Variants in PRKAG2 observed in about 807,000 individuals in gnomAD.
The protein encoded by PRKAG2 is 5'-AMP-activated protein kinase subunit gamma-2.
PRKAG2 carries 26 observed loss-of-function variants against 69.6 expected under a neutral mutation model. The observed-to-expected ratio is 0.37, with a 90% confidence interval of 0.27 to 0.52. The LOEUF is 0.52. Among genes scored for constraint, PRKAG2 ranks in the 20% least tolerant of loss-of-function variants. The pLI, the probability that PRKAG2 is intolerant of heterozygous loss-of-function variation, is 0.90. For missense variants in PRKAG2, 557 were observed against 740.0 expected (o/e 0.75, Z 2.87); for synonymous variants, 293 against 285.0 (o/e 1.03, Z -0.28).
intron 5 of PRKAG2, 136 bp downstream of exon 5, chr7:151,631,933 C>T: frequency 3.2e-6 from 3 of 930,516 alleles, no homozygotes; most frequent in Non-Finnish European, 4.2e-6. Flanking sequence ...GTTCCCGCCC[C>T]GGCCCCTGGG....
intron 1 of PRKAG2, chr7:151,837,154 C>T (rs1586695167): frequency 6.6e-6 from 1 of 152,324 alleles, no homozygotes; most frequent in East Asian, 1.9e-4. Context: ...AGTGTGACCT[C>T]CTGCCACTGC....
At chr7:151,605,082 T>C (rs778230909) in intron 5 of PRKAG2, among the ~76,000 whole-genome samples, 1 of 152,120 alleles carries the variant, frequency 6.6e-6, no homozygotes, top group Non-Finnish European at 1.5e-5. Context: ...AGTGGCACAA[T>C]CTCAACTCAT....
chr7:151,795,412 G>T (rs921769927), intron 1 of PRKAG2, among the ~76,000 whole-genome samples: 1 of 152,050 alleles, frequency 6.6e-6, no homozygotes. Flanking sequence ...GAGTAGCTGC[G>T]GTCTTCACAG....
chr7:151,590,993 G>A (rs1255522574), intron 6 of PRKAG2, among the ~76,000 whole-genome samples: 1 of 152,196 alleles, frequency 6.6e-6, no homozygotes, highest in Non-Finnish European at 1.5e-5. Flanking sequence ...GTGGCACAGT[G>A]AACTATACAG....
chr7:151,558,970 C>T, intron 15 of PRKAG2: 2 of 985,424 alleles, frequency 2.0e-6, no homozygotes, highest in East Asian at 1.1e-4. Context: ...CAAGAGCTGA[C>T]ATTCAGCCTG....
At chr7:151,801,024 A>T (rs911864411) in intron 1 of PRKAG2, among the ~76,000 whole-genome samples, 3 of 152,144 alleles carry the variant, frequency 2.0e-5, no homozygotes, top group Non-Finnish European at 4.4e-5. Context: ...AATCCACTAA[A>T]TTTTTAAAAA....
chr7:151,671,199 G>A (rs1474207656), intron 4 of PRKAG2, among the ~76,000 whole-genome samples: 29 of 128,504 alleles, frequency 2.3e-4, no homozygotes, highest in Admixed American at 1.0e-3. Flanking sequence ...AAAAAAAAAA[G>A]GAGTGCTGTC....
chr7:151,581,002 C>G (rs74882587), intron 6 of PRKAG2, among the ~76,000 whole-genome samples: 1 of 152,056 alleles, frequency 6.6e-6, no homozygotes, highest in Non-Finnish European at 1.5e-5. Flanking sequence ...ATGGACACCC[C>G]ATTTATCCTG....
At chr7:151,738,947 G>A (rs2073670526) in intron 3 of PRKAG2, among the ~76,000 whole-genome samples, 1 of 152,172 alleles carries the variant, frequency 6.6e-6, no homozygotes, top group African/African-American at 2.4e-5. Context: ...GGAGGGCCAA[G>A]GGAAGTCTTC....
intron 1 of PRKAG2, among the ~76,000 whole-genome samples, chr7:151,803,376 G>T (rs960188674): frequency 2.0e-5 from 3 of 152,182 alleles, no homozygotes; most frequent in Admixed American, 6.5e-5. Context: ...GGGGTTCAAG[G>T]ACAGCCATCA....
chr7:151,570,655 T>G (rs1189394610), intron 9 of PRKAG2, among the ~76,000 whole-genome samples: 1 of 152,238 alleles, frequency 6.6e-6, no homozygotes, highest in East Asian at 1.9e-4. Flanking sequence ...TTAAATATTT[T>G]TAAGTATTAT....
chr7:151,767,840 G>T (rs2075819687), intron 3 of PRKAG2, among the ~76,000 whole-genome samples: 1 of 74,414 alleles, frequency 1.3e-5, no homozygotes, highest in Non-Finnish European at 2.6e-5. Context: ...CTGGCCAAAA[G>T]CTCTGGTTCC....
At chr7:151,717,265 A>G (rs1796336546) in intron 3 of PRKAG2, among the ~76,000 whole-genome samples, 1 of 151,958 alleles carries the variant, frequency 6.6e-6, no homozygotes, top group African/African-American at 2.4e-5. Context: ...AAAAAAAAAA[A>G]AAGAAGGAAA....
At chr7:151,822,072 A>C (rs554367475) in intron 1 of PRKAG2, among the ~76,000 whole-genome samples, 304 of 152,232 alleles carry the variant, frequency 2.0e-3, no homozygotes, top group Middle Eastern at 6.8e-3. Flanking sequence ...TAAAGACCTC[A>C]CCCCATGACA....
intron 1 of PRKAG2, among the ~76,000 whole-genome samples, chr7:151,830,336 C>A (rs548580088): frequency 1.3e-5 from 2 of 152,002 alleles, no homozygotes; most frequent in African/African-American, 4.8e-5. Context: ...GTGTGGGCCA[C>A]GGAAAGGCCA....
At chr7:151,667,831 C>A (rs148832346) in intron 4 of PRKAG2, among the ~76,000 whole-genome samples, 1 of 152,254 alleles carries the variant, frequency 6.6e-6, no homozygotes, top group Non-Finnish European at 1.5e-5. Flanking sequence ...GGTAGGTGAC[C>A]AAAGATGTAG....
At chr7:151,743,982 A>G (rs531737665) in intron 3 of PRKAG2, among the ~76,000 whole-genome samples, 2 of 152,342 alleles carry the variant, frequency 1.3e-5, no homozygotes, top group African/African-American at 4.8e-5. Flanking sequence ...CCACAGCCAG[A>G]CTGTGCACTA....
intron 3 of PRKAG2, among the ~76,000 whole-genome samples, chr7:151,734,980 G>A (rs6969924): frequency 0.026 from 3,879 of 148,252 alleles, 178 homozygotes; most frequent in African/African-American, 0.093. Context: ...TTAGCCTCCC[G>A]AGTAGCTGGG....
Position 151,781,367 on chromosome 7 carries a change from C to G in PRKAG2, c.251G>C (p.Arg84Pro). ...AGGTGCAGACATGGGGCTGGAGGGC[C>G]GGGGCTGGGGGCCTCTGGAGAAGAA... Reference protein sequence around the residue: ...KGFFSRGPQPRPSSPMSAPVR... With the variant: ...KGFFSRGPQPPPSSPMSAPVR... The change falls in exon 3 of 16, where the codon CGG becomes CCG. Residue 84 changes from arginine to proline, a missense_variant. By Grantham distance (103) the Arg-to-Pro change is moderately radical. Around this residue, in one of 2 missense-constraint regions of PRKAG2, gnomAD observed 352 missense variants for 356.7 expected, o/e 0.99. Coordinates refer to ENST00000287878, the MANE Select transcript of PRKAG2 (RefSeq NM_016203.4). This position sits in a 1 kb window ranked among gnomAD's most constrained non-coding sequence, Gnocchi z 6.1. The G allele has an allele frequency of 1.2e-6, 2 of 1,613,078 alleles. No individual in the cohort carries two copies. Among genetic ancestry groups the G allele is most frequent in the Non-Finnish European group, 1.7e-6 (2 of 1,179,732 alleles).
Sources: gnomAD v4.1 joint callset for allele counts (sites outside exome capture counted in the v4.1 genomes callset) on GRCh38, gnomAD v4.1.1 for gene constraint, gnomAD v4.1.1 regional missense constraint, Gnocchi (gnomAD v3.1) non-coding constraint, MANE v1.5 for transcripts, NCBI Gene and HGNC (gene_info 2026-07-23, HGNC 2026-07-21) for gene names.